RNF185: variants seen among roughly 807,000 people sequenced by gnomAD.
RNF185 encodes ring finger protein 185.
A neutral mutation model predicts 24.9 loss-of-function variants in RNF185; 13 were observed. That is an observed-to-expected ratio of 0.52 (90% CI 0.34 to 0.83). The LOEUF is 0.83. Among genes scored for constraint, RNF185 ranks in the 40% least tolerant of loss-of-function variants. RNF185 has a pLI of 0.01. For missense variants in RNF185, 184 were observed against 244.7 expected (o/e 0.75, Z 1.65); for synonymous variants, 79 against 90.3 (o/e 0.88, Z 0.71).
At position 31,187,111 on chromosome 22, in the gene RNF185, C is replaced by G. The variant is rs1568967841; in HGVS notation, c.17C>G (p.Pro6Arg). 1 of 1,607,998 alleles carries G rather than the reference C, an allele frequency of 6.2e-7. No homozygotes were observed. Among genetic ancestry groups the G allele is most frequent in the Non-Finnish European group, 8.5e-7 (1 of 1,177,664 alleles). Residue 6 changes from proline (P) to arginine (R), a missense_variant, in exon 2 of 7, where the codon CCC becomes CGC. Pro to Arg is a moderately radical substitution (Grantham distance 103). Coordinates refer to ENST00000326132, the MANE Select transcript of RNF185 (RefSeq NM_152267.4). Reference sequence around the variant, plus strand: ...CAGCCAAGGATGGCAAGCAAGGGGCCCTCGGCCTCTGCATCTCCTGAGAAC... The same window carrying G: ...CAGCCAAGGATGGCAAGCAAGGGGCGCTCGGCCTCTGCATCTCCTGAGAAC... MASKG[P>R]SASASPENSS...
chr22:31,193,131 C>T (rs1652224078), intron 3 of RNF185, among the ~76,000 whole-genome samples: 1 of 152,194 alleles, frequency 6.6e-6, no homozygotes, highest in Non-Finnish European at 1.5e-5. Flanking sequence ...CTAGCTTTAG[C>T]ACCTACTTGG....
intron 5 of RNF185, among the ~76,000 whole-genome samples, chr22:31,200,669 A>G (rs2048252925): frequency 2.0e-5 from 3 of 152,254 alleles, no homozygotes; most frequent in Admixed American, 2.0e-4. Context: ...TGAGGGTGAT[A>G]TACCAAACTG....
chr22:31,178,034 G>T (rs1352129870), intron 1 of RNF185, among the ~76,000 whole-genome samples: 1 of 152,196 alleles, frequency 6.6e-6, no homozygotes, highest in African/African-American at 2.4e-5. Flanking sequence ...ATATATTGAA[G>T]ATACTGGGTC....
At chr22:31,203,746 T>C (rs991695923) in intron 6 of RNF185, among the ~76,000 whole-genome samples, 8 of 151,938 alleles carry the variant, frequency 5.3e-5, no homozygotes, top group Non-Finnish European at 8.8e-5. Flanking sequence ...GGTTTAGAAA[T>C]TTTTTTTGGC....
In RNF185 at chr22:31,174,449, C is replaced by CACTCACT. The variant is rs1429363739; in HGVS notation, c.-48-12598_-48-12597insACTCACT. Among the ~76,000 whole-genome samples the CACTCACT allele has an allele frequency of 7.9e-5, 12 of 152,198 alleles. No homozygotes were observed. In the South Asian group the frequency reaches 2.5e-3, roughly 32 times the overall value. On this transcript the variant is annotated intron_variant, in intron 1 of 6. Transcript: ENST00000326132. ...GGTTGGAGTGCAGTGGCGTCATCATCGCTCACTGCAGCCTTGAGCTCCTGG... is the reference window on the plus strand; with the variant it reads ...GGTTGGAGTGCAGTGGCGTCATCATCACTCACTGCTCACTGCAGCCTTGAGCTCCTGG...
At chr22:31,181,950 A>G (rs866219302) in intron 1 of RNF185, among the ~76,000 whole-genome samples, 47 of 151,932 alleles carry the variant, frequency 3.1e-4, no homozygotes, top group African/African-American at 1.0e-3. Context: ...ACATGTATAC[A>G]TATGTAACAA....
intron 1 of RNF185, among the ~76,000 whole-genome samples, chr22:31,169,535 C>G (rs968980283): frequency 6.6e-6 from 1 of 151,248 alleles, no homozygotes; most frequent in Admixed American, 6.6e-5. Flanking sequence ...TTATCATACC[C>G]TACTTCTCTT....
chr22:31,178,444 G>A (rs1394329872), intron 1 of RNF185, among the ~76,000 whole-genome samples: 1 of 152,080 alleles, frequency 6.6e-6, no homozygotes, highest in African/African-American at 2.4e-5. Flanking sequence ...AGAAAGTGAG[G>A]GCTACATTAA....
chr22:31,173,164 G>A (rs1293506263), intron 1 of RNF185, among the ~76,000 whole-genome samples: 1 of 151,882 alleles, frequency 6.6e-6, no homozygotes, highest in African/African-American at 2.4e-5. Context: ...TCTTTAATAG[G>A]GAGAAATTTG....
chr22:31,171,575 CAA>C (rs2147926414), intron 1 of RNF185, among the ~76,000 whole-genome samples: 1 of 152,274 alleles, frequency 6.6e-6, no homozygotes, highest in South Asian at 2.1e-4. Context: ...GCTCAAGGCA[CAA>C]GAGCAATTTG....
At position 31,195,218 on chromosome 22, in the gene RNF185, G is replaced by A. The variant is rs767964921; in HGVS notation, c.196-251G>A. Among the ~76,000 whole-genome samples, 4 of 152,288 alleles carry A rather than the reference G, an allele frequency of 2.6e-5. No individual in the cohort carries two copies. In the South Asian group the frequency reaches 6.2e-4, roughly 24 times the overall value. ...TCCACCCACCTCCGCCTCCCAAAGC[G>A]CTGGGATTACAGGCATGAGCACCGC... On this transcript the variant is annotated intron_variant, in intron 3 of 6. Transcript: ENST00000326132.
intron 1 of RNF185, among the ~76,000 whole-genome samples, chr22:31,183,761 T>A (rs2048063678): frequency 6.6e-6 from 1 of 152,230 alleles, no homozygotes; most frequent in Admixed American, 6.5e-5. Context: ...CAGAACAAAA[T>A]GGAGTCTGCT....
intron 4 of RNF185, 54 bp from the exon 5 acceptor site, chr22:31,196,882 G>C (rs761234684): frequency 2.0e-5 from 32 of 1,601,320 alleles, no homozygotes; most frequent in African/African-American, 4.0e-5. Flanking sequence ...GTCCTCACAG[G>C]GAGCAACTCA....
At chr22:31,182,354 C>G (rs753791482) in intron 1 of RNF185, among the ~76,000 whole-genome samples, 7 of 152,070 alleles carry the variant, frequency 4.6e-5, no homozygotes, top group Admixed American at 2.0e-4. Flanking sequence ...GTGGTATAAT[C>G]TTGGCTCACT....
At chr22:31,190,211 C>T (rs1414827020) in intron 2 of RNF185, among the ~76,000 whole-genome samples, 1 of 152,134 alleles carries the variant, frequency 6.6e-6, no homozygotes, top group Non-Finnish European at 1.5e-5. Context: ...CTGAAAAGTT[C>T]CTATAATCTA....
At chr22:31,168,476 CTTGGA>C (rs1392059076) in intron 1 of RNF185, among the ~76,000 whole-genome samples, 2 of 152,222 alleles carry the variant, frequency 1.3e-5, no homozygotes, top group Non-Finnish European at 2.9e-5. Flanking sequence ...TCGATGCAAA[CTTGGA>C]TTGCTTCCAT....
intron 1 of RNF185, among the ~76,000 whole-genome samples, chr22:31,186,654 C>A (rs1301533753): frequency 6.6e-6 from 1 of 152,184 alleles, no homozygotes; most frequent in Non-Finnish European, 1.5e-5. Flanking sequence ...CTTCCTGCCT[C>A]AGCAGATTCA....
chr22:31,164,621 C>G (rs370910164), intron 1 of RNF185, among the ~76,000 whole-genome samples: 1 of 147,988 alleles, frequency 6.8e-6, no homozygotes, highest in South Asian at 2.2e-4. Flanking sequence ...CGGAGTCTCA[C>G]CCTGTCACCC....
rs143412600 is a variant in RNF185 at position 31,169,588 on chromosome 22, C to T, written c.-49+9285C>T. On this transcript the variant is annotated intron_variant, in intron 1 of 6. Coordinates refer to ENST00000326132, the MANE Select transcript of RNF185 (RefSeq NM_152267.4). Reference sequence around the variant, plus strand: ...TTTAAAGACAGGGTCTCTCTGTCGCCGAGGCTGGAGTGCAGTGGCGTGATC... The same window carrying T: ...TTTAAAGACAGGGTCTCTCTGTCGCTGAGGCTGGAGTGCAGTGGCGTGATC... Among the ~76,000 whole-genome samples, 44 of 152,208 alleles carry T rather than the reference C, an allele frequency of 2.9e-4. No individual in the cohort carries two copies. The East Asian group carries it at 8.3e-3, about 29-fold the overall frequency.
Sources: allele counts gnomAD v4.1 joint callset (sites outside exome capture counted in the v4.1 genomes callset), GRCh38; gene constraint gnomAD v4.1.1; transcripts MANE v1.5; gene names NCBI Gene and HGNC (gene_info 2026-07-23, HGNC 2026-07-21).